Variants in ARHGAP21 observed in about 807,000 individuals in gnomAD.
The protein encoded by ARHGAP21 is Rho GTPase activating protein 21.
A neutral mutation model predicts 164.6 loss-of-function variants in ARHGAP21; 38 were observed. The ratio of observed to expected loss-of-function variants is 0.23; its 90% CI spans 0.18 to 0.30. The LOEUF (loss-of-function observed/expected upper bound fraction) is 0.30, where lower values mean the gene tolerates loss of function less well. Ranked by LOEUF, ARHGAP21 falls within the 10% of genes least tolerant of loss-of-function variation. The pLI is 1.00. For missense variants in ARHGAP21, 1,822 were observed against 2,370.7 expected (o/e 0.77, Z 4.81); for synonymous variants, 766 against 857.9 (o/e 0.89, Z 1.87).
At chr10:24,696,811 A>G (rs1014057943) in intron 2 of ARHGAP21, among the ~76,000 whole-genome samples, 13 of 152,192 alleles carry the variant, frequency 8.5e-5, no homozygotes. Context: ...CAGAAAACCA[A>G]CCAGCTAACA....
In ARHGAP21 at chr10:24,585,539, T is replaced by C. The variant is rs779732794; in HGVS notation, c.4750A>G (p.Thr1584Ala). The C allele has an allele frequency of 1.7e-5, 28 of 1,613,940 alleles. No homozygotes were observed. In the African/African-American group the frequency reaches 2.9e-4, roughly 17 times the overall value. ...GACGATGTGGTGGAATAATCTGAGG[T>C]GATGGTGCTGACGTTGGCCAAAAAC... ...SEFLANVSTI[T>A]SDYSTTSSAT... Residue 1584 changes from threonine (T) to alanine (A), a missense_variant, in exon 26 of 26, where the codon ACC becomes GCC. Thr to Ala is a moderately conservative substitution (Grantham distance 58). Around this residue, in one of 5 missense-constraint regions of ARHGAP21, gnomAD observed 333 missense variants for 383.9 expected, o/e 0.87. Coordinates refer to ENST00000396432, the MANE Select transcript of ARHGAP21 (RefSeq NM_020824.4).
At chr10:24,628,953 T>A (rs1477224623) in intron 7 of ARHGAP21, 5 of 8,870 alleles carry the variant, frequency 5.6e-4, no homozygotes, top group African/African-American at 2.6e-3. Context: ...ACACACACAC[T>A]ATATATATAT....
chr10:24,690,530 A>C (rs1478097084), intron 2 of ARHGAP21, among the ~76,000 whole-genome samples: 1 of 152,110 alleles, frequency 6.6e-6, no homozygotes, highest in Non-Finnish European at 1.5e-5. Context: ...CCATAATATA[A>C]ATAACATAGA....
chr10:24,596,717 TC>T (rs767581722), intron 17 of ARHGAP21, 22 bp downstream of exon 17: 24 of 1,613,098 alleles, frequency 1.5e-5, no homozygotes, highest in African/African-American at 5.3e-5. Context: ...CTTGAGGAAA[TC>T]CGGTGGGCTG....
rs1459341841 is a variant in ARHGAP21 at position 24,666,266 on chromosome 10, G to C, written c.268+719C>G. ...AGGATAGTCTCGATCTCCTGACCTT[G>C]TGATCCACCCGCCTCAGCCTCCCAA... is the stretch of plus-strand genomic sequence containing the variant. On this transcript the variant is annotated intron_variant, in intron 4 of 25. Transcript: ENST00000396432. Among the ~76,000 whole-genome samples the C allele has an allele frequency of 2.0e-5, 3 of 152,136 alleles. No individual in the cohort carries two copies. The East Asian group carries it at 5.8e-4, about 29-fold the overall frequency.
chr10:24,625,320 A>C (rs946957555), intron 7 of ARHGAP21, among the ~76,000 whole-genome samples: 4 of 151,292 alleles, frequency 2.6e-5, no homozygotes, highest in South Asian at 2.1e-4. Context: ...AAAAAAAAAA[A>C]AAACCTGAAG....
At chr10:24,621,591 T>C (rs1295786892) in intron 8 of ARHGAP21, among the ~76,000 whole-genome samples, 1 of 152,104 alleles carries the variant, frequency 6.6e-6, no homozygotes, top group Non-Finnish European at 1.5e-5. Context: ...CAAATTACAA[T>C]CACCTCTTTG....
intron 7 of ARHGAP21, among the ~76,000 whole-genome samples, chr10:24,627,323 T>G (rs1835234839): frequency 6.6e-6 from 1 of 152,198 alleles, no homozygotes; most frequent in Non-Finnish European, 1.5e-5. Context: ...AAGCATATAT[T>G]TTGAATAACA....
At chr10:24,610,662 G>A (rs556646952) in intron 9 of ARHGAP21, among the ~76,000 whole-genome samples, 6 of 151,886 alleles carry the variant, frequency 4.0e-5, no homozygotes, top group African/African-American at 1.2e-4. Context: ...TTTATTATTC[G>A]TATCTGAATA....
intron 4 of ARHGAP21, among the ~76,000 whole-genome samples, chr10:24,646,921 G>C (rs1009786543): frequency 2.6e-5 from 4 of 152,064 alleles, no homozygotes; most frequent in African/African-American, 9.7e-5. Context: ...GTTACCTCTA[G>C]AGTAACATTT....
In ARHGAP21 at chr10:24,620,070, G is replaced by A. The variant is rs768759479; in HGVS notation, c.1825C>T (p.Arg609Trp). The A allele has an allele frequency of 9.3e-6, 15 of 1,613,928 alleles. No individual in the cohort carries two copies. The highest frequency in any genetic ancestry group is 5.5e-5 in the South Asian group (5 of 91,074). ...GGTGACCTGTCTTGTGAAATACCCC[G>A]AGGCAGTGACATTCCACAAGTAGTC... ...FQTTCGMSLP[R>W]GISQDRSPLV... Residue 609 changes from arginine (R) to tryptophan (W), a missense_variant, in exon 9 of 26, where the codon CGG becomes TGG. By Grantham distance (101) the Arg-to-Trp change is moderately radical (BLOSUM62 -3). Transcript: ENST00000396432.
intron 2 of ARHGAP21, among the ~76,000 whole-genome samples, chr10:24,710,517 T>C (rs1004097039): frequency 2.6e-5 from 4 of 152,176 alleles, no homozygotes; most frequent in Non-Finnish European, 5.9e-5. Flanking sequence ...CTATAAGTAC[T>C]TGTTCAATTG....
chr10:24,686,302 A>G (rs1398804858), intron 2 of ARHGAP21, among the ~76,000 whole-genome samples: 2 of 152,034 alleles, frequency 1.3e-5, no homozygotes. Flanking sequence ...AGTAGCATGC[A>G]TCTGTGGTCC....
At chr10:24,662,879 T>C (rs912498255) in intron 4 of ARHGAP21, among the ~76,000 whole-genome samples, 1 of 152,194 alleles carries the variant, frequency 6.6e-6, no homozygotes, top group Non-Finnish European at 1.5e-5. Flanking sequence ...TCCCTCAACC[T>C]GTTAGACCCC....
At chr10:24,666,326 G>A (rs1173982176) in intron 4 of ARHGAP21, among the ~76,000 whole-genome samples, 2 of 152,180 alleles carry the variant, frequency 1.3e-5, no homozygotes, top group Non-Finnish European at 2.9e-5. Flanking sequence ...GACTGCGCCC[G>A]CCCCTGCCAT....
intron 4 of ARHGAP21, 132 bp from the exon 5 acceptor site, chr10:24,635,235 T>C (rs1375591101): frequency 1.6e-5 from 9 of 545,976 alleles, no homozygotes; most frequent in East Asian, 3.1e-5. Flanking sequence ...TGAATTTGGA[T>C]GCTAAAATTA....
intron 2 of ARHGAP21, among the ~76,000 whole-genome samples, chr10:24,672,401 T>C (rs1189130355): frequency 6.6e-6 from 1 of 152,192 alleles, no homozygotes; most frequent in African/African-American, 2.4e-5. Context: ...ATCTGCTAAG[T>C]TCCTGAACCT....
intron 2 of ARHGAP21, among the ~76,000 whole-genome samples, chr10:24,707,061 C>T (rs971478704): frequency 6.6e-6 from 1 of 152,200 alleles, no homozygotes; most frequent in African/African-American, 2.4e-5. Context: ...CTTAACCTCT[C>T]AGTAGCGCCA....
At chr10:24,627,604 G>T (rs1014684829) in intron 7 of ARHGAP21, among the ~76,000 whole-genome samples, 2 of 152,116 alleles carry the variant, frequency 1.3e-5, no homozygotes, top group African/African-American at 4.8e-5. Flanking sequence ...GAGCCTTGAA[G>T]ATCTGCATGC....
Sources: gnomAD v4.1 joint callset for allele counts (sites outside exome capture counted in the v4.1 genomes callset) on GRCh38, gnomAD v4.1.1 for gene constraint, gnomAD v4.1.1 regional missense constraint, MANE v1.5 for transcripts, NCBI Gene and HGNC (gene_info 2026-07-23, HGNC 2026-07-21) for gene names.